Variants in AXIN1 observed in about 807,000 individuals in gnomAD.
The protein encoded by AXIN1 is axin-1.
In AXIN1, 30 loss-of-function variants were observed where a neutral mutation model predicts 76.4. The observed-to-expected ratio is 0.39, with a 90% confidence interval of 0.29 to 0.53. AXIN1 has a LOEUF of 0.53. Ranked by LOEUF, AXIN1 falls within the 20% of genes least tolerant of loss-of-function variation. The pLI, the probability that AXIN1 is intolerant of heterozygous loss-of-function variation, is 0.66. For missense variants in AXIN1, 1,140 were observed against 1,198.8 expected (o/e 0.95, Z 0.72); for synonymous variants, 545 against 501.4 (o/e 1.09, Z -1.16).
intron 10 of AXIN1, among the ~76,000 whole-genome samples, chr16:289,071 C>T (rs1567255885): frequency 6.7e-6 from 1 of 149,624 alleles, no homozygotes; most frequent in African/African-American, 2.5e-5. Context: ...TGGCCGGAAG[C>T]CCTTTTTCTT....
At chr16:340,117 T>C (rs1316147224) in intron 2 of AXIN1, among the ~76,000 whole-genome samples, 1 of 152,072 alleles carries the variant, frequency 6.6e-6, no homozygotes, top group Non-Finnish European at 1.5e-5. Context: ...AATAAACTAA[T>C]GAGCAGGTCC....
In AXIN1 at chr16:352,405, C is replaced by CCGGAG. The variant is rs1348985241; in HGVS notation, c.-123_-119dup. On this transcript the variant is annotated 5_prime_UTR_variant, in exon 1 of 11. The change creates a premature stop within an existing upstream ORF in the 5' untranslated region. Coordinates refer to ENST00000262320, the MANE Select transcript of AXIN1 (RefSeq NM_003502.4). Reference sequence around the variant, plus strand: ...GGTGGCGGGACCCCGGGCCCGGCTCCCGGAGCGGCGCGGCGCGGTCCGGGC... The same window carrying CCGGAG: ...GGTGGCGGGACCCCGGGCCCGGCTCCCGGAGCGGAGCGGCGCGGCGCGGTCCGGGC... 3 of 877,800 alleles carry CCGGAG rather than the reference C, an allele frequency of 3.4e-6. No homozygotes were observed. The highest frequency in any genetic ancestry group is 1.9e-4 in the Admixed American group (1 of 5,234). The allele number at this position is 877,800 out of a possible 1,614,324, so 54.4% of individuals were successfully genotyped here.
Position 333,950 on chromosome 16 carries a change from ACACAGCACCCAGTAC to A in AXIN1, c.878+12183_878+12197del, listed in dbSNP as rs2053746371. Among the ~76,000 whole-genome samples the A allele has an allele frequency of 2.0e-5, 3 of 151,620 alleles. 1 individual carries two copies. The highest frequency in any genetic ancestry group is 2.0e-4 in the Admixed American group (3 of 15,230). On this transcript the variant is annotated intron_variant, in intron 2 of 10. Transcript: ENST00000262320. ...CACCCAGTACCATACCATGCCAATA[ACACAGCACCCAGTAC>A]CACAGCACAGCAATAACACAGCATG...
intron 6 of AXIN1, 71 bp from the exon 7 acceptor site, chr16:297,297 G>A (rs1420257096): frequency 1.3e-6 from 2 of 1,586,856 alleles, no homozygotes; most frequent in Non-Finnish European, 1.7e-6. Flanking sequence ...TCGTCTGCGA[G>A]GCCCCCTCCT....
At chr16:337,133 G>A (rs976681191) in intron 2 of AXIN1, among the ~76,000 whole-genome samples, 2 of 101,758 alleles carry the variant, frequency 2.0e-5, no homozygotes, top group Non-Finnish European at 1.7e-5. Flanking sequence ...CTGGGTGACA[G>A]AGCAAGACCC....
intron 2 of AXIN1, among the ~76,000 whole-genome samples, chr16:342,122 C>A (rs1045405291): frequency 6.6e-6 from 1 of 152,228 alleles, no homozygotes; most frequent in Non-Finnish European, 1.5e-5. Context: ...TTTGTTCTTT[C>A]TCTCTTTCCA....
At chr16:320,872 T>TG (rs2053436507) in intron 2 of AXIN1, among the ~76,000 whole-genome samples, 1 of 146,056 alleles carries the variant, frequency 6.8e-6, no homozygotes, top group South Asian at 2.2e-4. Context: ...CCCGAGTAGC[T>TG]GGGACTCCAG....
chr16:350,157 G>A (rs1202594225), intron 1 of AXIN1, among the ~76,000 whole-genome samples: 1 of 152,140 alleles, frequency 6.6e-6, no homozygotes, highest in East Asian at 1.9e-4. Flanking sequence ...ACAATCATGT[G>A]TATTTTTGGC....
intron 1 of AXIN1, among the ~76,000 whole-genome samples, chr16:348,407 C>T (rs1286961448): frequency 3.3e-5 from 5 of 152,264 alleles, no homozygotes; most frequent in African/African-American, 9.6e-5. Flanking sequence ...CACCACTCCA[C>T]ACTGCTGTCC....
chr16:350,424 G>C (rs967515830), intron 1 of AXIN1, among the ~76,000 whole-genome samples: 1 of 152,196 alleles, frequency 6.6e-6, no homozygotes, highest in African/African-American at 2.4e-5. Flanking sequence ...TCCATAAAAC[G>C]GGCGGGATGC....
intron 2 of AXIN1, among the ~76,000 whole-genome samples, chr16:325,825 C>A (rs929424005): frequency 1.3e-5 from 2 of 152,204 alleles, no homozygotes; most frequent in African/African-American, 4.8e-5. Context: ...CCAAAGCAGA[C>A]AGGCACTGGG....
intron 4 of AXIN1, among the ~76,000 whole-genome samples, chr16:306,168 TACACACACACGC>T (rs948039062): frequency 1.1e-4 from 16 of 151,690 alleles, no homozygotes; most frequent in African/African-American, 3.4e-4. Flanking sequence ...CACACACACG[TACACACACACGC>T]ACACACACAG....
At chr16:309,112 C>T (rs1268392860) in intron 4 of AXIN1, among the ~76,000 whole-genome samples, 2 of 152,114 alleles carry the variant, frequency 1.3e-5, no homozygotes, top group East Asian at 1.9e-4. Context: ...GGGCGGATCA[C>T]GAGGTCAGGA....
In AXIN1 at chr16:287,887, C is replaced by A; in HGVS notation, c.*235G>T. On this transcript the variant is annotated 3_prime_UTR_variant, in exon 11 of 11. Transcript: ENST00000262320. ...TCGGCTGCCTCACTTGGGCTGGGCCCTCCAAGTATTGCTATGAGGAGTGGT... is the reference window on the plus strand; with the variant it reads ...TCGGCTGCCTCACTTGGGCTGGGCCATCCAAGTATTGCTATGAGGAGTGGT... 1.6e-6 allele frequency: 1 copy of A among 642,004 alleles called. No individual in the cohort carries two copies. The highest frequency in any genetic ancestry group is 2.7e-6 in the Non-Finnish European group (1 of 372,648). 39.8% of individuals were successfully genotyped at this position (642,004 alleles called of 1,614,324 possible).
chr16:343,311 G>A (rs1032211737), intron 2 of AXIN1, among the ~76,000 whole-genome samples: 3 of 152,248 alleles, frequency 2.0e-5, no homozygotes, highest in African/African-American at 7.2e-5. Context: ...ACTGAAGAGT[G>A]GCTGGGAGGG....
intron 2 of AXIN1, among the ~76,000 whole-genome samples, chr16:342,626 G>A (rs1489975590): frequency 1.3e-5 from 2 of 152,232 alleles, no homozygotes; most frequent in Non-Finnish European, 2.9e-5. Flanking sequence ...CTGCTGCACA[G>A]CCCCCAGCGC....
rs183308739 is a variant in AXIN1, at chr16:319,188, T to C, written c.879-4505A>G. ...CTTCTGTGTGTTCAAAGGCTTTCTT[T>C]AGGGTCCGGTGTGGTGGCGCACACC... On this transcript the variant is annotated intron_variant, in intron 2 of 10. Transcript: ENST00000262320. Among the ~76,000 whole-genome samples, 356 of 152,208 alleles carry C rather than the reference T, an allele frequency of 2.3e-3. 4 individuals carry two copies. Among genetic ancestry groups the C allele is most frequent in the Admixed American group, 0.015 (236 of 15,286 alleles).
Position 293,238 on chromosome 16 carries a change from C to T in AXIN1, c.2186+250G>A, listed in dbSNP as rs116836456. ...GACTGGGCTCAGGTTGAGGAGGGAC[C>T]CCGCCTCCAGAGCAATGAGCGCGGC... is the stretch of plus-strand genomic sequence containing the variant. On this transcript the variant is annotated intron_variant, in intron 8 of 10. Coordinates refer to ENST00000262320, the MANE Select transcript of AXIN1 (RefSeq NM_003502.4). This position sits in a 1 kb window ranked among gnomAD's most constrained non-coding sequence, Gnocchi z 4.6. 4.6e-4 allele frequency: 261 copies of T among 569,280 alleles called. 1 individual carries two copies. Among genetic ancestry groups the T allele is most frequent in the African/African-American group, 3.7e-3 (199 of 53,450 alleles). 35.3% of individuals were successfully genotyped at this position (569,280 alleles called of 1,614,324 possible).
intron 2 of AXIN1, among the ~76,000 whole-genome samples, chr16:339,307 T>C (rs1366570707): frequency 1.4e-5 from 2 of 141,468 alleles, no homozygotes; most frequent in African/African-American, 2.6e-5. Flanking sequence ...ATCGAGACCA[T>C]CCTGGCTAAC....
Sources: gnomAD v4.1 joint callset for allele counts (sites outside exome capture counted in the v4.1 genomes callset) on GRCh38, gnomAD v4.1.1 for gene constraint, Gnocchi (gnomAD v3.1) non-coding constraint, MANE v1.5 for transcripts, NCBI Gene and HGNC (gene_info 2026-07-23, HGNC 2026-07-21) for gene names.